VAC14: variants seen among roughly 807,000 people sequenced by gnomAD.
The protein encoded by VAC14 is protein VAC14 homolog.
VAC14 carries 47 observed loss-of-function variants against 85.3 expected under a neutral mutation model. That is an observed-to-expected ratio of 0.55 (90% CI 0.44 to 0.70). VAC14 has a LOEUF of 0.70. VAC14 is among the 30% of genes least tolerant of loss of function. The pLI, the probability that VAC14 is intolerant of heterozygous loss-of-function variation, is 0.00. For synonymous variants in VAC14, 447 were observed against 430.5 expected, an observed-to-expected ratio of 1.04 and a Z score of -0.47; for missense variants, 861 against 1,004.3, an observed-to-expected ratio of 0.86 and a Z score of 1.93.
At chr16:70,712,567 C>T (rs759317142) in intron 14 of VAC14, among the ~76,000 whole-genome samples, 1 of 152,162 alleles carries the variant, frequency 6.6e-6, no homozygotes. Context: ...ACAGTGAAGG[C>T]GGTGGACCTG....
Position 70,801,141 on chromosome 16 carries a change from G to A in VAC14, c.-241C>T, listed in dbSNP as rs543147032. On this transcript the variant is annotated 5_prime_UTR_variant, in exon 1 of 19. Coordinates refer to ENST00000261776, the MANE Select transcript of VAC14 (RefSeq NM_018052.5). ...GCACTAGCGGGACTCACGAGACAGC[G>A]GCCATGTTACTCGAGTCACATGACT... The A allele has an allele frequency of 2.6e-5, 11 of 420,782 alleles. No individual in the cohort carries two copies. The highest frequency in any genetic ancestry group is 5.4e-5 in the South Asian group (1 of 18,456). 26.1% of individuals were successfully genotyped at this position (420,782 alleles called of 1,614,324 possible).
intron 1 of VAC14, among the ~76,000 whole-genome samples, chr16:70,794,951 T>C (rs1461816391): frequency 6.6e-6 from 1 of 152,260 alleles, no homozygotes; most frequent in Non-Finnish European, 1.5e-5. Context: ...GTTATATTTT[T>C]ACTATACTAT....
intron 14 of VAC14, among the ~76,000 whole-genome samples, chr16:70,700,741 C>T (rs1597856211): frequency 6.6e-6 from 1 of 152,236 alleles, no homozygotes; most frequent in Admixed American, 6.5e-5. Flanking sequence ...AGCCCTGTCT[C>T]CATGGCTGTG....
At chr16:70,725,120 C>T (rs1170802001) in intron 14 of VAC14, among the ~76,000 whole-genome samples, 1 of 152,260 alleles carries the variant, frequency 6.6e-6, no homozygotes, top group African/African-American at 2.4e-5. Flanking sequence ...CACTCTAATT[C>T]GCCATCCATT....
intron 13 of VAC14, 30 bp downstream of exon 13, chr16:70,744,393 T>G (rs377160806): frequency 1.2e-6 from 2 of 1,613,350 alleles, no homozygotes; most frequent in Admixed American, 3.3e-5. Context: ...CTAAGGCCCC[T>G]GAGGCTAGAA....
intron 13 of VAC14, 82 bp downstream of exon 13, chr16:70,744,341 C>T (rs1597922230): frequency 1.3e-5 from 21 of 1,567,500 alleles, no homozygotes; most frequent in East Asian, 2.3e-5. Flanking sequence ...GAGCAACAAC[C>T]CAAAGGACCG....
intron 18 of VAC14, chr16:70,689,366 G>C (rs2053557244): frequency 3.0e-6 from 3 of 985,264 alleles, no homozygotes; most frequent in Middle Eastern, 5.2e-4. Flanking sequence ...TGGAAATAAA[G>C]GAGGCCATTT....
At chr16:70,730,523 GC>G (rs2054558861) in intron 14 of VAC14, among the ~76,000 whole-genome samples, 1 of 149,984 alleles carries the variant, frequency 6.7e-6, no homozygotes, top group Admixed American at 6.6e-5. Flanking sequence ...CAGTCCCCAA[GC>G]ACCCCAGACC....
rs2031986542 is a variant in VAC14, at chr16:70,757,745, A to C, written c.1371+4795T>G. 2.0e-5 allele frequency among the ~76,000 whole-genome samples: 3 copies of C among 151,986 alleles called. No individual in the cohort carries two copies. The South Asian group carries it at 6.2e-4, about 32-fold the overall frequency. On this transcript the variant is annotated intron_variant, in intron 12 of 18. Coordinates refer to ENST00000261776, the MANE Select transcript of VAC14 (RefSeq NM_018052.5). The stretch of plus-strand genomic sequence containing the variant: ...CATCTCCAGGCCCTTTACAGAAATG[A>C]CCTCCTGCATCGGAGGAGCTACTGC...
chr16:70,716,893 T>G (rs1401398917), intron 14 of VAC14: 2 of 152,274 alleles, frequency 1.3e-5, no homozygotes, highest in African/African-American at 4.8e-5. Flanking sequence ...GGAGGGTCAC[T>G]GGGTCACATA....
chr16:70,710,067 C>A (rs2053998060), intron 14 of VAC14, among the ~76,000 whole-genome samples: 1 of 152,246 alleles, frequency 6.6e-6, no homozygotes, highest in Non-Finnish European at 1.5e-5. Context: ...GCCTGGCACG[C>A]TGCTTCCTGG....
At chr16:70,749,628 C>A (rs1024122744) in intron 12 of VAC14, among the ~76,000 whole-genome samples, 3 of 152,260 alleles carry the variant, frequency 2.0e-5, no homozygotes, top group Non-Finnish European at 4.4e-5. Context: ...GAAACAGCAT[C>A]CCCATCCCCA....
intron 17 of VAC14, among the ~76,000 whole-genome samples, chr16:70,694,912 GC>G (rs946227260): frequency 4.5e-4 from 69 of 152,222 alleles, no homozygotes; most frequent in Admixed American, 3.9e-3. Flanking sequence ...ACTTCAGAGA[GC>G]CAGAGCAGAG....
At chr16:70,752,560 T>C (rs2143019985) in intron 12 of VAC14, among the ~76,000 whole-genome samples, 1 of 152,122 alleles carries the variant, frequency 6.6e-6, no homozygotes, top group African/African-American at 2.4e-5. Context: ...AGCACGAGAG[T>C]GGTGCCCACT....
intron 2 of VAC14, 91 bp downstream of exon 2, chr16:70,786,124 C>T: frequency 6.5e-7 from 1 of 1,544,026 alleles, no homozygotes; most frequent in Non-Finnish European, 8.8e-7. Flanking sequence ...TCTGCAATGC[C>T]CTACTGGGTC....
chr16:70,709,199 G>A (rs2053979552), intron 14 of VAC14, among the ~76,000 whole-genome samples: 1 of 152,174 alleles, frequency 6.6e-6, no homozygotes, highest in Admixed American at 6.5e-5. Context: ...TGCCATGTGC[G>A]GCACAGATGA....
In VAC14 at chr16:70,762,657, C is replaced by T; in HGVS notation, c.1306-52G>A. ...CGTGAGTGCTCCCTTCGCCCCGGGA[C>T]TACGTGCAGTGCAGTGTCCCGCTGG... On this transcript the variant is annotated intron_variant, in intron 11 of 18. Coordinates refer to ENST00000261776, the MANE Select transcript of VAC14 (RefSeq NM_018052.5). The surrounding 1 kb of genome is among the most constrained non-coding windows in gnomAD (Gnocchi z 4.1). 2 of 1,592,564 alleles carry T rather than the reference C, an allele frequency of 1.3e-6. No homozygotes were observed. Among genetic ancestry groups the T allele is most frequent in the Non-Finnish European group, 1.7e-6 (2 of 1,163,152 alleles).
At chr16:70,749,498 T>G (rs1463490745) in intron 12 of VAC14, among the ~76,000 whole-genome samples, 2 of 152,258 alleles carry the variant, frequency 1.3e-5, no homozygotes, top group Non-Finnish European at 2.9e-5. Flanking sequence ...AGGATTTGTC[T>G]CTGGTCCCCA....
intron 1 of VAC14, among the ~76,000 whole-genome samples, chr16:70,792,205 AG>A (rs1383702269): frequency 6.6e-6 from 1 of 152,116 alleles, no homozygotes; most frequent in African/African-American, 2.4e-5. Flanking sequence ...AGAAACTACA[AG>A]GGGAAGCAGA....
Sources: gnomAD v4.1 joint callset for allele counts (sites outside exome capture counted in the v4.1 genomes callset) on GRCh38, gnomAD v4.1.1 for gene constraint, Gnocchi (gnomAD v3.1) non-coding constraint, MANE v1.5 for transcripts, NCBI Gene and HGNC (gene_info 2026-07-23, HGNC 2026-07-21) for gene names.